AGAP1: variants seen among roughly 807,000 people sequenced by gnomAD.
AGAP1 encodes the protein ArfGAP with GTPase domain, ankyrin repeat and PH domain 1, also known as arf-GAP with GTPase, ANK repeat and PH domain-containing protein 1.
In AGAP1, 29 loss-of-function variants were observed where a neutral mutation model predicts 105.3. That is an observed-to-expected ratio of 0.28 (90% CI 0.21 to 0.38). The LOEUF (loss-of-function observed/expected upper bound fraction) is 0.38, where lower values mean the gene tolerates loss of function less well. AGAP1 is among the 10% of genes least tolerant of loss of function. The pLI is 1.00. For missense variants in AGAP1, 998 were observed against 1,165.1 expected (o/e 0.86, Z 2.09); for synonymous variants, 509 against 485.9 (o/e 1.05, Z -0.63).
intron 1 of AGAP1, among the ~76,000 whole-genome samples, chr2:235,563,292 G>A (rs1441559228): frequency 1.3e-5 from 2 of 152,034 alleles, no homozygotes. Context: ...CCCCTTTGCT[G>A]TGTCTGGTCC....
In AGAP1 at chr2:235,557,173, G is replaced by T. The variant is rs567630585; in HGVS notation, c.163+62324G>T. Among the ~76,000 whole-genome samples the T allele has an allele frequency of 2.0e-4, 31 of 152,102 alleles. No homozygotes were observed. Among genetic ancestry groups the T allele is most frequent in the Middle Eastern group, 3.4e-3 (1 of 294 alleles). ...GCTTCCATAGCAGAGCCTGTGGGAC[G>T]TGAACCACCATTCATGATCCTGGGA... On this transcript the variant is annotated intron_variant, in intron 1 of 17. Coordinates refer to ENST00000304032, the MANE Select transcript of AGAP1 (RefSeq NM_001037131.3). The surrounding 1 kb of genome is among the most constrained non-coding windows in gnomAD (Gnocchi z 4.7).
Position 235,571,079 on chromosome 2 carries a change from A to G in AGAP1, c.163+76230A>G, listed in dbSNP as rs1196831743. Reference sequence around the variant, plus strand: ...TTCACATGGTTGGAGTAGGAGTAAGAGAGGGGTTGCAGGGGGCTGTGCCAC... The same window carrying G: ...TTCACATGGTTGGAGTAGGAGTAAGGGAGGGGTTGCAGGGGGCTGTGCCAC... On this transcript the variant is annotated intron_variant, in intron 1 of 17. Coordinates refer to ENST00000304032, the MANE Select transcript of AGAP1 (RefSeq NM_001037131.3). Among the ~76,000 whole-genome samples the G allele has an allele frequency of 2.0e-5, 3 of 152,142 alleles. No individual in the cohort carries two copies. In the East Asian group the frequency reaches 5.8e-4, roughly 29 times the overall value.
At chr2:236,110,980 G>A (rs972129135) in intron 16 of AGAP1, among the ~76,000 whole-genome samples, 4 of 152,182 alleles carry the variant, frequency 2.6e-5, no homozygotes, top group Non-Finnish European at 5.9e-5. Flanking sequence ...GTCCTCACGT[G>A]ATAGAAGAGG....
intron 1 of AGAP1, among the ~76,000 whole-genome samples, chr2:235,629,883 A>G (rs967533578): frequency 2.7e-5 from 4 of 147,818 alleles, no homozygotes; most frequent in African/African-American, 7.5e-5. Context: ...AAAAAAAAAA[A>G]GAAAGAACAG....
In AGAP1 at chr2:235,899,241, G is replaced by A. The variant is rs148953509; in HGVS notation, c.1156-9497G>A. Among the ~76,000 whole-genome samples, 480 of 152,260 alleles carry A rather than the reference G, an allele frequency of 3.2e-3. 1 individual carries two copies. Among genetic ancestry groups the A allele is most frequent in the African/African-American group, 0.011 (448 of 41,550 alleles). ...AAAACTCTACTGTTTGGCCGGGCGCGGTGGCTCGCACCTGTAATTCCAGCA... is the reference window on the plus strand; with the variant it reads ...AAAACTCTACTGTTTGGCCGGGCGCAGTGGCTCGCACCTGTAATTCCAGCA... On this transcript the variant is annotated intron_variant, in intron 10 of 17. Coordinates refer to ENST00000304032, the MANE Select transcript of AGAP1 (RefSeq NM_001037131.3).
chr2:235,803,006 T>G (rs148027815), intron 8 of AGAP1, among the ~76,000 whole-genome samples: 80 of 2,324 alleles, frequency 0.034, no homozygotes, highest in Admixed American at 0.08. Flanking sequence ...TGGTGATGGT[T>G]GTGGTTGTGA....
At position 235,578,032 on chromosome 2, in the gene AGAP1, T is replaced by A. The variant is rs577377930; in HGVS notation, c.163+83183T>A. Among the ~76,000 whole-genome samples the A allele has an allele frequency of 3.3e-4, 50 of 152,142 alleles. No individual in the cohort carries two copies. The highest frequency in any genetic ancestry group is 6.8e-3 in the Middle Eastern group (2 of 294). ...CTGGTCCCGCCATCAGGACTTCCCC[T>A]CGTGAGGAGCTGGGTACCACTGTTA... On this transcript the variant is annotated intron_variant, in intron 1 of 17. Coordinates refer to ENST00000304032, the MANE Select transcript of AGAP1 (RefSeq NM_001037131.3). This position sits in a 1 kb window ranked among gnomAD's most constrained non-coding sequence, Gnocchi z 4.9.
chr2:235,551,858 A>G lies in AGAP1; in HGVS notation c.163+57009A>G. The stretch of plus-strand genomic sequence containing the variant: ...CACAAACTGAGCGTTGCTGGGCCTC[A>G]GGAGCTTCTAGTGATGCTGGAGGCG... On this transcript the variant is annotated intron_variant, in intron 1 of 17. Transcript: ENST00000304032. The surrounding 1 kb of genome is among the most constrained non-coding windows in gnomAD (Gnocchi z 4.8). Among the ~76,000 whole-genome samples the G allele has an allele frequency of 6.6e-6, 1 of 152,220 alleles. No homozygotes were observed. Among genetic ancestry groups the G allele is most frequent in the East Asian group, 1.9e-4 (1 of 5,186 alleles).
chr2:235,766,422 A>T (rs1489997801), intron 6 of AGAP1, among the ~76,000 whole-genome samples: 1 of 152,190 alleles, frequency 6.6e-6, no homozygotes, highest in Non-Finnish European at 1.5e-5. Flanking sequence ...TCTAAGGATT[A>T]TTCTCCTGCG....
rs1442323296 is a variant in AGAP1, at chr2:235,777,979, C to T, written c.674-19780C>T. 6.6e-6 allele frequency among the ~76,000 whole-genome samples: 1 copy of T among 152,176 alleles called. No homozygotes were observed. Among genetic ancestry groups the T allele is most frequent in the Non-Finnish European group, 1.5e-5 (1 of 68,038 alleles). On this transcript the variant is annotated intron_variant, in intron 6 of 17. Transcript: ENST00000304032. The surrounding 1 kb of genome is among the most constrained non-coding windows in gnomAD (Gnocchi z 5.1). ...GGCTCTGCCCTGAGCCCGCTGCCCT[C>T]ACCCTCTGCCTCAGACCTGGGCGAT...
chr2:235,709,734 T>A (rs1245677549), intron 2 of AGAP1, among the ~76,000 whole-genome samples: 1 of 152,178 alleles, frequency 6.6e-6, no homozygotes, highest in Non-Finnish European at 1.5e-5. Context: ...GAAATTAAAA[T>A]TTTTGTCTTT....
At chr2:235,775,071 C>T (rs1485323379) in intron 6 of AGAP1, among the ~76,000 whole-genome samples, 1 of 152,120 alleles carries the variant, frequency 6.6e-6, no homozygotes, top group Middle Eastern at 3.2e-3. Flanking sequence ...AGCAAAAGGA[C>T]TGGGTGAACA....
At chr2:235,947,970 A>G (rs2053569856) in intron 12 of AGAP1, among the ~76,000 whole-genome samples, 1 of 152,210 alleles carries the variant, frequency 6.6e-6, no homozygotes, top group Non-Finnish European at 1.5e-5. Flanking sequence ...CGTGCAATGT[A>G]CGGATCAAAG....
At chr2:235,511,394 G>C (rs951185275) in intron 1 of AGAP1, among the ~76,000 whole-genome samples, 56 of 152,210 alleles carry the variant, frequency 3.7e-4, no homozygotes, top group Admixed American at 3.3e-3. Flanking sequence ...CCCTCAGGGA[G>C]GGGGGCAGCC....
intron 1 of AGAP1, among the ~76,000 whole-genome samples, chr2:235,640,614 G>T (rs950757588): frequency 1.3e-5 from 2 of 152,190 alleles, no homozygotes; most frequent in African/African-American, 2.4e-5. Context: ...AATTGGCAAT[G>T]ACTGCAGGAA....
chr2:235,571,964 A>G (rs1195088097), intron 1 of AGAP1, among the ~76,000 whole-genome samples: 42 of 42,708 alleles, frequency 9.8e-4, no homozygotes, highest in African/African-American at 1.3e-3. Context: ...GTGTGTATAC[A>G]TATATATGTA....
Position 235,988,813 on chromosome 2 carries a change from G to T in AGAP1, c.1645+20190G>T, listed in dbSNP as rs1226376206. ...CCACCCTTTTTTCTGTGGTCAGCAT[G>T]TGTTTCCCAGACTGGGCGTCACTGT... On this transcript the variant is annotated intron_variant, in intron 13 of 17. Transcript: ENST00000304032. This position sits in a 1 kb window ranked among gnomAD's most constrained non-coding sequence, Gnocchi z 4.7. 6.6e-6 allele frequency among the ~76,000 whole-genome samples: 1 copy of T among 152,116 alleles called. No homozygotes were observed. Among genetic ancestry groups the T allele is most frequent in the Non-Finnish European group, 1.5e-5 (1 of 68,034 alleles).
intron 9 of AGAP1, among the ~76,000 whole-genome samples, chr2:235,808,216 G>C (rs149603472): frequency 7.9e-4 from 120 of 152,314 alleles, no homozygotes; most frequent in Admixed American, 1.2e-3. Context: ...GCCTCTGTGG[G>C]CAGGAGAATG....
chr2:235,565,287 G>A (rs1944313510), intron 1 of AGAP1, among the ~76,000 whole-genome samples: 1 of 152,366 alleles, frequency 6.6e-6, no homozygotes, highest in South Asian at 2.1e-4. Context: ...TGAGCCAGGA[G>A]CAGCCTGGCA....
Sources: gnomAD v4.1 joint callset for allele counts (sites outside exome capture counted in the v4.1 genomes callset) on GRCh38, gnomAD v4.1.1 for gene constraint, Gnocchi (gnomAD v3.1) non-coding constraint, MANE v1.5 for transcripts, NCBI Gene and HGNC (gene_info 2026-07-23, HGNC 2026-07-21) for gene names.